Variants in PAQR3 observed in about 807,000 individuals in gnomAD.
The protein encoded by PAQR3 is progestin and adipoQ receptor family member 3.
PAQR3 carries 39 observed loss-of-function variants against 41.7 expected under a neutral mutation model. That is an observed-to-expected ratio of 0.93 (90% CI 0.72 to 1.22). The LOEUF (loss-of-function observed/expected upper bound fraction) is 1.22, where lower values mean the gene tolerates loss of function less well. Ranked by LOEUF, PAQR3 falls within the 50% of genes most tolerant of loss-of-function variation. The probability of loss-of-function intolerance (pLI) is 0.00; values close to 1 mark genes in which losing one functional copy is unlikely to be tolerated. For synonymous variants in PAQR3, 140 were observed against 140.6 expected, an observed-to-expected ratio of 1.00 and a Z score of 0.03; for missense variants, 366 against 385.6, an observed-to-expected ratio of 0.95 and a Z score of 0.42.
chr4:78,898,416 A>G (rs893921202), intron 11 of PAQR3, among the ~76,000 whole-genome samples: 2 of 151,850 alleles, frequency 1.3e-5, no homozygotes, highest in African/African-American at 2.4e-5. Context: ...GAACTTCAGG[A>G]TGTTAGCAAT....
intron 5 of PAQR3, among the ~76,000 whole-genome samples, chr4:78,922,676 G>C (rs959631023): frequency 6.6e-6 from 1 of 151,790 alleles, no homozygotes; most frequent in African/African-American, 2.4e-5. Context: ...TAGAAACTTG[G>C]TTACATGATA....
intron 11 of PAQR3, among the ~76,000 whole-genome samples, chr4:78,903,585 C>G (rs1734128958): frequency 6.6e-6 from 1 of 151,924 alleles, no homozygotes; most frequent in African/African-American, 2.4e-5. Flanking sequence ...GATGAGAAAA[C>G]TCAGGCTTAT....
chr4:78,888,603 A>C (rs970011324), intron 11 of PAQR3, among the ~76,000 whole-genome samples: 1 of 152,194 alleles, frequency 6.6e-6, no homozygotes, highest in Admixed American at 6.5e-5. Context: ...TGAATAGTAG[A>C]GTTAGGAGAA....
In PAQR3 at chr4:78,922,939, C is replaced by T. The variant is rs533056260; in HGVS notation, c.793+918G>A. On this transcript the variant is annotated intron_variant, in intron 5 of 5. Transcript: ENST00000512733. ...TACAGGTTTTGGAGACTGTTGTTCA[C>T]TCCACCCAGTGTCCTCTTAGTTATT... The T allele has an allele frequency of 3.7e-5, 17 of 456,224 alleles. No homozygotes were observed. In the East Asian group the frequency reaches 7.0e-4, roughly 19 times the overall value. The allele number at this position is 456,224 out of a possible 1,614,324, so 28.3% of individuals were successfully genotyped here. A position where few individuals can be genotyped will look rare whatever the true frequency, so the allele number is the denominator to read the frequency against.
At position 78,913,774 on chromosome 4, in the gene PAQR3, G is replaced by C. The variant is rs1027480220; in HGVS notation, c.*6765C>G. 1.3e-5 allele frequency: 2 copies of C among 152,018 alleles called. No homozygotes were observed. The highest frequency in any genetic ancestry group is 2.9e-5 in the Non-Finnish European group (2 of 67,970). The allele number at this position is 152,018 out of a possible 1,614,324, so 9.4% of individuals were successfully genotyped here. ...TCTTTTATATGCTAAATCAAATATA[G>C]ATTTGTGGATAGGGAAGCAATATGT... On this transcript the variant is annotated 3_prime_UTR_variant, in exon 6 of 6. Coordinates refer to ENST00000512733, the MANE Select transcript of PAQR3 (RefSeq NM_001040202.2).
At chr4:78,922,999 C>CA (rs1735818309) in intron 5 of PAQR3, 2 of 455,178 alleles carry the variant, frequency 4.4e-6, no homozygotes, top group Admixed American at 2.4e-5. Flanking sequence ...GAATGAAGAA[C>CA]AAAAAAATCT....
intron 11 of PAQR3, among the ~76,000 whole-genome samples, chr4:78,893,186 C>T (rs966584648): frequency 6.6e-6 from 1 of 152,220 alleles, no homozygotes; most frequent in Non-Finnish European, 1.5e-5. Context: ...ACAGCATCTT[C>T]ACCAGGAACA....
In PAQR3 at chr4:78,930,240, T is replaced by A. The variant is rs201820688; in HGVS notation, c.434A>T (p.Tyr145Phe). 2 of 1,613,624 alleles carry A rather than the reference T, an allele frequency of 1.2e-6. No homozygotes were observed. Among genetic ancestry groups the A allele is most frequent in the Non-Finnish European group, 1.7e-6 (2 of 1,179,818 alleles). ...CAGTATTCCAATAGAAATTCCTGCA[T>A]AATCTAATGCCATCCATCTTCGACA... ...KTCRRWMALD[Y>F]AGISIGILGC... Residue 145 changes from tyrosine to phenylalanine, a missense_variant, in exon 3 of 6, where the codon TAT becomes TTT. Coordinates refer to ENST00000512733, the MANE Select transcript of PAQR3 (RefSeq NM_001040202.2).
Position 78,939,115 on chromosome 4 carries a change from G to A in PAQR3, c.110C>T (p.Pro37Leu). The change falls in exon 1 of 6, where the codon CCC becomes CTC. Residue 37 changes from proline to leucine, a missense_variant. Coordinates refer to ENST00000512733, the MANE Select transcript of PAQR3 (RefSeq NM_001040202.2). ...GIRLYTYEQI[P>L]GSLKDNPYIT... ...GTACGGGTTGTCCTTGAGGGACCCG[G>A]GGATCTGCTCGTAGGTGTACAGGCG... 6.2e-7 allele frequency: 1 copy of A among 1,613,792 alleles called. No individual in the cohort carries two copies. The highest frequency in any genetic ancestry group is 8.5e-7 in the Non-Finnish European group (1 of 1,179,866).
At chr4:78,887,098 A>G, downstream of PAQR3, 1 of 1,005,018 alleles carries the variant, frequency 1.0e-6, no homozygotes, top group Non-Finnish European at 1.5e-6. Context: ...TTTTATTTAT[A>G]TGTATATCAC....
chr4:78,899,263 C>T (rs1160849490), intron 11 of PAQR3: 1 of 151,928 alleles, frequency 6.6e-6, no homozygotes, highest in African/African-American at 2.4e-5. Flanking sequence ...GAACAGGGGA[C>T]CTTGAAGGAA....
intron 4 of PAQR3, among the ~76,000 whole-genome samples, chr4:78,925,325 G>T (rs1374191676): frequency 6.7e-6 from 1 of 148,682 alleles, no homozygotes; most frequent in East Asian, 2.0e-4. Flanking sequence ...ATTCCAGCTG[G>T]AATTTATCTA....
intron 11 of PAQR3, among the ~76,000 whole-genome samples, chr4:78,892,772 A>C (rs1733510366): frequency 6.6e-6 from 1 of 152,222 alleles, no homozygotes; most frequent in Admixed American, 6.5e-5. Context: ...TAATCTGTTA[A>C]GTATGCAATA....
Position 78,918,704 on chromosome 4 carries a change from T to A in PAQR3, c.*1835A>T. ...AAAAATTGAAATGATTCAATGTTTT[T>A]TTATTTTGAGAAAGTTTTATAATAA... On this transcript the variant is annotated 3_prime_UTR_variant, in exon 6 of 6. Transcript: ENST00000512733. The A allele has an allele frequency of 2.1e-6, 2 of 967,848 alleles. No individual in the cohort carries two copies. Among genetic ancestry groups the A allele is most frequent in the Non-Finnish European group, 2.5e-6 (2 of 814,048 alleles). 60.0% of individuals were successfully genotyped at this position (967,848 alleles called of 1,614,324 possible).
chr4:78,908,106 T>G (rs150623515), downstream of PAQR3, among the ~76,000 whole-genome samples: 1 of 152,288 alleles, frequency 6.6e-6, no homozygotes, highest in African/African-American at 2.4e-5. Context: ...TGATTTGCTT[T>G]TAATCTGGAA....
intron 2 of PAQR3, among the ~76,000 whole-genome samples, chr4:78,931,116 A>G (rs1560581261): frequency 6.9e-6 from 1 of 144,174 alleles, no homozygotes; most frequent in Non-Finnish European, 1.5e-5. Flanking sequence ...TTGGGAGGCC[A>G]TGGTGGGAGG....
chr4:78,939,084 G>C lies in PAQR3; in HGVS notation c.141C>G (p.Thr47=). The C allele has an allele frequency of 6.2e-7, 1 of 1,612,318 alleles. No homozygotes were observed. Among genetic ancestry groups the C allele is most frequent in the Non-Finnish European group, 8.5e-7 (1 of 1,178,720 alleles). Residue 47 remains threonine, a synonymous_variant, in exon 1 of 6, where the codon ACC becomes ACG. Transcript: ENST00000512733. ...PGSLKDNPYI[T]DGYRAYLPSR... ...ACGGCAGGTAGGCCCGGTAGCCGTC[G>C]GTGATGTACGGGTTGTCCTTGAGGG...
In PAQR3 at chr4:78,917,157, T is replaced by C. The variant is rs1398653137; in HGVS notation, c.*3382A>G. Reference sequence around the variant, plus strand: ...TGCAATTTGAGCTATTTATTTTGGATAACGAATACCTTTTTAAGGAAGCCC... The same window carrying C: ...TGCAATTTGAGCTATTTATTTTGGACAACGAATACCTTTTTAAGGAAGCCC... On this transcript the variant is annotated 3_prime_UTR_variant, in exon 6 of 6. Coordinates refer to ENST00000512733, the MANE Select transcript of PAQR3 (RefSeq NM_001040202.2). 1 of 152,018 alleles carries C rather than the reference T, an allele frequency of 6.6e-6. No homozygotes were observed. Among genetic ancestry groups the C allele is most frequent in the East Asian group, 1.9e-4 (1 of 5,200 alleles). The allele number at this position is 152,018 out of a possible 1,614,324, so 9.4% of individuals were successfully genotyped here. A position where few individuals can be genotyped will look rare whatever the true frequency, so the allele number is the denominator to read the frequency against.
rs138600317 is a variant in PAQR3 at position 78,892,551 on chromosome 4, C to A, written c.*837-4403G>T. Among the ~76,000 whole-genome samples the A allele has an allele frequency of 3.2e-4, 48 of 152,186 alleles. 3 individuals are homozygous for A. In the East Asian group the frequency reaches 9.1e-3, roughly 29 times the overall value. ...TCTGCTCTTTATTTATTGACATATG[C>A]TAAAATTTTTATGTTTTCTTCTACC... On this transcript the variant is annotated intron_variant and NMD_transcript_variant, in intron 11 of 12. Transcript: ENST00000342820.
Sources: gnomAD v4.1 joint callset for allele counts (sites outside exome capture counted in the v4.1 genomes callset) on GRCh38, gnomAD v4.1.1 for gene constraint, MANE v1.5 for transcripts, NCBI Gene and HGNC (gene_info 2026-07-23, HGNC 2026-07-21) for gene names.